ENTREP2: variants seen among roughly 807,000 people sequenced by gnomAD.
ENTREP2 encodes endosomal transmembrane epsin interactor 2, also known as protein ENTREP2.
At chr15:29,606,612 C>A in the ENTREP2 span, among the ~76,000 whole-genome samples, 3 of 152,030 alleles carry the variant, frequency 2.0e-5, no homozygotes, top group Admixed American at 2.0e-4. Context: ...CTAATCCATT[C>A]TCCTTTGGTA....
At chr15:29,174,701 ACAAAACAAC>A in the ENTREP2 span, among the ~76,000 whole-genome samples, 689 of 147,714 alleles carry the variant, frequency 4.7e-3, 18 homozygotes, top group African/African-American at 0.017. Flanking sequence ...ACAAAACAAA[ACAAAACAAC>A]AAAAAAAAAA....
At chr15:29,568,710 C>CAAAAAAAAAAAAAAAAAAAAAAAAAAAA in the ENTREP2 span, among the ~76,000 whole-genome samples, 1 of 128,190 alleles carries the variant, frequency 7.8e-6, no homozygotes. Context: ...CCTCTTAAGG[C>CAAAAAAAAAAAAAAAAAAAAAAAAAAAA]AAAAAAAAAA....
chr15:29,230,181 T>C, the ENTREP2 span, among the ~76,000 whole-genome samples: 1 of 152,206 alleles, frequency 6.6e-6, no homozygotes, highest in Non-Finnish European at 1.5e-5. Context: ...TTAGGTTGGA[T>C]CCTTCATAAT....
chr15:29,226,130 C>T, the ENTREP2 span, among the ~76,000 whole-genome samples: 3 of 152,210 alleles, frequency 2.0e-5, no homozygotes, highest in Non-Finnish European at 4.4e-5. Flanking sequence ...ATGCCGGACA[C>T]GGGGCGCTCC....
At chr15:29,614,570 GT>G in the ENTREP2 span, among the ~76,000 whole-genome samples, 1 of 152,168 alleles carries the variant, frequency 6.6e-6, no homozygotes, top group African/African-American at 2.4e-5. Context: ...GGGTAACCGT[GT>G]ATTTCCTTCT....
At chr15:29,527,157 C>T in the ENTREP2 span, among the ~76,000 whole-genome samples, 1 of 152,104 alleles carries the variant, frequency 6.6e-6, no homozygotes, top group Non-Finnish European at 1.5e-5. Context: ...TGAGGAAATT[C>T]CTCATGGCCA....
the ENTREP2 span, among the ~76,000 whole-genome samples, chr15:29,576,953 G>A: frequency 3.9e-5 from 6 of 151,924 alleles, no homozygotes; most frequent in East Asian, 9.7e-4. Context: ...GACTACAGGC[G>A]CCCGCCACCG....
chr15:29,172,222 A>G, the ENTREP2 span, among the ~76,000 whole-genome samples: 1 of 152,210 alleles, frequency 6.6e-6, no homozygotes, highest in African/African-American at 2.4e-5. Context: ...GACTTCAGGA[A>G]TAGGATCAAA....
the ENTREP2 span, among the ~76,000 whole-genome samples, chr15:29,652,372 A>G: frequency 2.0e-5 from 3 of 152,190 alleles, no homozygotes; most frequent in Non-Finnish European, 2.9e-5. Flanking sequence ...GCTCCTCTTC[A>G]TCTTGCTCAC....
chr15:29,266,219 A>G, the ENTREP2 span: 8 of 152,290 alleles, frequency 5.3e-5, no homozygotes, highest in South Asian at 4.1e-4. Context: ...AGCAACAGGT[A>G]TAAGTTAATA....
the ENTREP2 span, among the ~76,000 whole-genome samples, chr15:29,593,152 C>G: frequency 6.6e-6 from 1 of 152,170 alleles, no homozygotes; most frequent in Non-Finnish European, 1.5e-5. Flanking sequence ...TGCTCTAGAA[C>G]TTTCCTTCCG....
chr15:29,416,968 T>C, the ENTREP2 span, among the ~76,000 whole-genome samples: 2,134 of 152,318 alleles, frequency 0.014, 28 homozygotes, highest in Non-Finnish European at 0.023. Context: ...CCAGTTAGGA[T>C]GGCGATCATT....
chr15:29,655,964 G>A, the ENTREP2 span, among the ~76,000 whole-genome samples: 1 of 148,990 alleles, frequency 6.7e-6, no homozygotes, highest in East Asian at 2.0e-4. Context: ...AGCGGAGGTT[G>A]CAGTGAGCGA....
the ENTREP2 span, among the ~76,000 whole-genome samples, chr15:29,411,395 T>G: frequency 1.5e-3 from 222 of 152,290 alleles, no homozygotes; most frequent in African/African-American, 5.2e-3. Flanking sequence ...ATCTAGTAGG[T>G]GTAAACGATT....
At chr15:29,547,118 C>T in the ENTREP2 span, among the ~76,000 whole-genome samples, 5 of 149,324 alleles carry the variant, frequency 3.3e-5, no homozygotes, top group East Asian at 2.0e-4. Context: ...GATGGAGTCT[C>T]GCTCTGTCAC....
chr15:29,136,648 G>A, the ENTREP2 span: 1 of 884,402 alleles, frequency 1.1e-6, no homozygotes, highest in Non-Finnish European at 1.6e-6. Flanking sequence ...TCAGTCACTG[G>A]GCGATTTGCA....
At chr15:29,307,923 G>A in the ENTREP2 span, among the ~76,000 whole-genome samples, 1 of 152,114 alleles carries the variant, frequency 6.6e-6, no homozygotes, top group Admixed American at 6.5e-5. Context: ...ATTTTGTTAT[G>A]ACACCCCAAG....
the ENTREP2 span, chr15:29,269,114 C>T: frequency 1.9e-6 from 3 of 1,614,134 alleles, no homozygotes; most frequent in African/African-American, 4.0e-5. Flanking sequence ...AAGTCCCAGG[C>T]TTCAGTTTCC....
the ENTREP2 span, among the ~76,000 whole-genome samples, chr15:29,512,272 C>G: frequency 6.6e-6 from 1 of 152,096 alleles, no homozygotes; most frequent in Non-Finnish European, 1.5e-5. Context: ...CCCCATAAAG[C>G]TATGAGCTGT....
Sources: gnomAD v4.1 joint callset for allele counts (sites outside exome capture counted in the v4.1 genomes callset) on GRCh38, gnomAD v4.1.1 for gene constraint, MANE v1.5 for transcripts, NCBI Gene and HGNC (gene_info 2026-07-23, HGNC 2026-07-21) for gene names.